CRTC1: variants seen among roughly 807,000 people sequenced by gnomAD.
CRTC1 encodes the protein CREB regulated transcription coactivator 1, also known as CREB-regulated transcription coactivator 1.
CRTC1 carries 18 observed loss-of-function variants against 66.1 expected under a neutral mutation model. The observed-to-expected ratio is 0.27, with a 90% confidence interval of 0.19 to 0.40. The LOEUF is 0.40. Among genes scored for constraint, CRTC1 ranks in the 10% least tolerant of loss-of-function variants. The pLI is 1.00. For missense variants in CRTC1, 669 were observed against 887.9 expected, an observed-to-expected ratio of 0.75 and a Z score of 3.13; for synonymous variants, 416 against 398.8, an observed-to-expected ratio of 1.04 and a Z score of -0.51.
rs968907155 is a variant in CRTC1 at position 18,767,179 on chromosome 19, AT to A, written c.1012-1299del. 8.9e-4 allele frequency among the ~76,000 whole-genome samples: 135 copies of A among 152,056 alleles called. 1 individual carries two copies. Among genetic ancestry groups the A allele is most frequent in the African/African-American group, 2.9e-3 (122 of 41,526 alleles). On this transcript the variant is annotated intron_variant, in intron 9 of 13. Transcript: ENST00000321949. ...AACAGAGAACTTTGACATTTTTAAA[AT>A]TTTTTTATTTTTTAATTTTAATTTA...
rs572103056 is a variant in CRTC1, at chr19:18,765,412, A to G, written c.895A>G (p.Thr299Ala). 1 of 1,611,868 alleles carries G rather than the reference A, an allele frequency of 6.2e-7. No individual in the cohort carries two copies. The highest frequency in any genetic ancestry group is 2.2e-5 in the East Asian group (1 of 44,846). The change falls in exon 9 of 14, where the codon ACA becomes GCA. Residue 299 changes from threonine (T) to alanine (A), a missense_variant. Physicochemically the swap from Thr to Ala is moderately conservative, Grantham distance 58. Transcript: ENST00000321949. ...GIGGAGQGMSTPGSSPQHRPA... is the reference protein window; with the variant it reads ...GIGGAGQGMSAPGSSPQHRPA... ...TCCTACTTCCTCTCTAGGAATGAGC[A>G]CACCTGGCTCCTCTCCACAGCACCG...
Position 18,683,684 on chromosome 19 carries a change from AGG to A in CRTC1, c.-18_-17del. Reference sequence around the variant, plus strand: ...GAGGTGGAGGAGGAGGAGGAGGAGGAGGAGGTGGCGGCGAGAAGATGGCGACT... The same window carrying A: ...GAGGTGGAGGAGGAGGAGGAGGAGGAAGGTGGCGGCGAGAAGATGGCGACT... On this transcript the variant is annotated 5_prime_UTR_variant, in exon 1 of 14. Transcript: ENST00000321949. 7.3e-7 allele frequency: 1 copy of A among 1,372,218 alleles called. No homozygotes were observed. Among genetic ancestry groups the A allele is most frequent in the Non-Finnish European group, 9.6e-7 (1 of 1,036,292 alleles). 85.0% of individuals were successfully genotyped at this position (1,372,218 alleles called of 1,614,324 possible). A position where few individuals can be genotyped will look rare whatever the true frequency, so the allele number is the denominator to read the frequency against.
At chr19:18,734,298 A>G (rs2053951199) in intron 1 of CRTC1, among the ~76,000 whole-genome samples, 3 of 152,194 alleles carry the variant, frequency 2.0e-5, no homozygotes, top group African/African-American at 4.8e-5. Flanking sequence ...TTCACTTTCA[A>G]ACAAGATCAT....
At chr19:18,697,283 A>G (rs1323254576) in intron 1 of CRTC1, among the ~76,000 whole-genome samples, 1 of 152,248 alleles carries the variant, frequency 6.6e-6, no homozygotes, top group East Asian at 1.9e-4. Context: ...GTGTCCAGCC[A>G]GGGCCACACA....
rs563439417 is a variant in CRTC1 at position 18,778,893 on chromosome 19, C to G, written c.*1511C>G. ...TTGGGCAGCGTGGTCTGCTGGCTGC[C>G]CCTTCTTGGCAGCTCAGGGTCGTGG... On this transcript the variant is annotated 3_prime_UTR_variant, in exon 14 of 14. Coordinates refer to ENST00000321949, the MANE Select transcript of CRTC1 (RefSeq NM_015321.3). The G allele has an allele frequency of 7.3e-5, 17 of 231,386 alleles. No individual in the cohort carries two copies. The East Asian group carries it at 1.0e-3, about 14-fold the overall frequency. 14.3% of individuals were successfully genotyped at this position (231,386 alleles called of 1,614,324 possible).
chr19:18,773,529 C>T (rs559525800), intron 11 of CRTC1, among the ~76,000 whole-genome samples: 16 of 152,320 alleles, frequency 1.1e-4, no homozygotes, highest in African/African-American at 3.6e-4. Flanking sequence ...GGTCCCACCC[C>T]ACACCCCGAG....
intron 2 of CRTC1, among the ~76,000 whole-genome samples, 187 bp from the exon 3 acceptor site, chr19:18,745,636 C>G (rs1248709349): frequency 6.6e-6 from 1 of 152,326 alleles, no homozygotes; most frequent in African/African-American, 2.4e-5. Flanking sequence ...CCTCCCTACC[C>G]CCCAGTGCTT....
At chr19:18,731,784 G>T (rs536426811) in intron 1 of CRTC1, among the ~76,000 whole-genome samples, 29 of 152,286 alleles carry the variant, frequency 1.9e-4, no homozygotes, top group Non-Finnish European at 3.4e-4. Context: ...CTTCCTGCTC[G>T]TCACACCTCG....
At chr19:18,708,732 C>T (rs948041874) in intron 1 of CRTC1, among the ~76,000 whole-genome samples, 6 of 152,204 alleles carry the variant, frequency 3.9e-5, no homozygotes, top group African/African-American at 1.4e-4. Flanking sequence ...CCTGTGGGGC[C>T]GGCCTGGCCC....
chr19:18,745,997 G>T (rs752810624), intron 3 of CRTC1, 37 bp downstream of exon 3: 1 of 1,577,702 alleles, frequency 6.3e-7, no homozygotes. Context: ...TGGGGGCCAG[G>T]CCCTGTCGGT....
intron 1 of CRTC1, among the ~76,000 whole-genome samples, chr19:18,727,034 G>A (rs2053770133): frequency 6.6e-6 from 1 of 151,296 alleles, no homozygotes; most frequent in African/African-American, 2.4e-5. Flanking sequence ...ATCACTTGAG[G>A]CCAGGAGTCC....
intron 1 of CRTC1, among the ~76,000 whole-genome samples, chr19:18,742,596 G>A (rs912992932): frequency 6.6e-6 from 1 of 152,216 alleles, no homozygotes; most frequent in African/African-American, 2.4e-5. Flanking sequence ...AGGCCCGCCA[G>A]TGCCTCTCTT....
At chr19:18,708,505 A>G (rs1439813828) in intron 1 of CRTC1, among the ~76,000 whole-genome samples, 1 of 152,178 alleles carries the variant, frequency 6.6e-6, no homozygotes, top group Non-Finnish European at 1.5e-5. Flanking sequence ...TGAATTGGGC[A>G]CGTTGGCTGG....
intron 1 of CRTC1, among the ~76,000 whole-genome samples, chr19:18,684,666 A>G (rs999516810): frequency 1.3e-5 from 2 of 151,952 alleles, no homozygotes; most frequent in East Asian, 3.9e-4. Context: ...GATGCTGACC[A>G]CAGCCCCTGC....
At chr19:18,775,263 G>A (rs2054960914) in intron 12 of CRTC1, among the ~76,000 whole-genome samples, 2 of 152,232 alleles carry the variant, frequency 1.3e-5, no homozygotes, top group Admixed American at 6.5e-5. Flanking sequence ...GGCAGCAAAC[G>A]CCGGGCCAGA....
rs1445350001 is a variant in CRTC1 at position 18,771,265 on chromosome 19, C to T, written c.1321-177C>T. Among the ~76,000 whole-genome samples, 2 of 152,144 alleles carry T rather than the reference C, an allele frequency of 1.3e-5. No individual in the cohort carries two copies. Among genetic ancestry groups the T allele is most frequent in the Non-Finnish European group, 2.9e-5 (2 of 68,000 alleles). On this transcript the variant is annotated intron_variant, in intron 10 of 13. Coordinates refer to ENST00000321949, the MANE Select transcript of CRTC1 (RefSeq NM_015321.3). The surrounding 1 kb of genome is among the most constrained non-coding windows in gnomAD (Gnocchi z 4.6). ...GCAGCTCCCCGGAGGCTCAGGTACC[C>T]ACCTTTCCTGCAGGTGTCCAGGCTC...
In CRTC1 at chr19:18,741,576, C is replaced by T. The variant is rs1379786157; in HGVS notation, c.127-1334C>T. ...TGGGGTGGGAGCTGTAGGACCCCCA[C>T]CCTACACCCCCTCCCTCTGCCACAG... is the stretch of plus-strand genomic sequence containing the variant. On this transcript the variant is annotated intron_variant, in intron 1 of 13. Coordinates refer to ENST00000321949, the MANE Select transcript of CRTC1 (RefSeq NM_015321.3). The surrounding 1 kb of genome is among the most constrained non-coding windows in gnomAD (Gnocchi z 4.2). 6.6e-6 allele frequency among the ~76,000 whole-genome samples: 1 copy of T among 152,144 alleles called. No individual in the cohort carries two copies. The highest frequency in any genetic ancestry group is 1.5e-5 in the Non-Finnish European group (1 of 68,010).
chr19:18,769,385 G>T (rs956248300), intron 10 of CRTC1, among the ~76,000 whole-genome samples: 4 of 152,252 alleles, frequency 2.6e-5, no homozygotes, highest in Admixed American at 2.6e-4. Context: ...CGGGCTGGGT[G>T]GCAAACAGCT....
intron 8 of CRTC1, among the ~76,000 whole-genome samples, chr19:18,763,330 C>G (rs2054656708): frequency 6.6e-6 from 1 of 152,080 alleles, no homozygotes; most frequent in African/African-American, 2.4e-5. Context: ...CAAACTCCTG[C>G]CCTCAGGTGA....
Sources: gnomAD v4.1 joint callset for allele counts (sites outside exome capture counted in the v4.1 genomes callset) on GRCh38, gnomAD v4.1.1 for gene constraint, Gnocchi (gnomAD v3.1) non-coding constraint, MANE v1.5 for transcripts, NCBI Gene and HGNC (gene_info 2026-07-23, HGNC 2026-07-21) for gene names.